C17orf114: variants seen among roughly 807,000 people sequenced by gnomAD.
C17orf114 encodes uncharacterized protein C17orf114.
chr17:4,802,071 C>T (rs1347687916), intron 1 of C17orf114, among the ~76,000 whole-genome samples, 176 bp downstream of exon 1: 1 of 152,172 alleles, frequency 6.6e-6, no homozygotes, highest in Non-Finnish European at 1.5e-5. Context: ...TTGGTCATTT[C>T]GAACTGGGCC....
chr17:4,806,067 A>G (rs977394692), upstream of C17orf114, among the ~76,000 whole-genome samples: 11 of 152,268 alleles, frequency 7.2e-5, no homozygotes, highest in African/African-American at 1.9e-4. Context: ...CAAATGGCCA[A>G]TCAGCACATG....
At chr17:4,803,817 GCTCAAGCGAGTCTC>G (rs1905575171), upstream of C17orf114, among the ~76,000 whole-genome samples, 1 of 151,776 alleles carries the variant, frequency 6.6e-6, no homozygotes, top group Non-Finnish European at 1.5e-5. Context: ...CGTCTCCAGG[GCTCAAGCGAGTCTC>G]CTGTCCCAGC....
Position 4,801,676 on chromosome 17 carries a change from A to G in C17orf114, c.74-221T>C, listed in dbSNP as rs1440701716. ...CTGTGCAGTTGCATAGGATCCTCCG[A>G]CTCAGAAGGGCCACCATGCTTGGCA... is the stretch of plus-strand genomic sequence containing the variant. On this transcript the variant is annotated intron_variant, in intron 1 of 1. Coordinates refer to ENST00000635921, the Ensembl canonical transcript of C17orf114. Among the ~76,000 whole-genome samples the G allele has an allele frequency of 3.8e-4, 57 of 151,214 alleles. 1 individual carries two copies. The highest frequency in any genetic ancestry group is 4.4e-5 in the Non-Finnish European group (3 of 67,850).
intron 1 of C17orf114, among the ~76,000 whole-genome samples, chr17:4,801,897 A>ATT (rs1002619276): frequency 6.6e-6 from 1 of 151,698 alleles, no homozygotes; most frequent in Non-Finnish European, 1.5e-5. Context: ...CACCCGGCTA[A>ATT]TTTTTTGTAT....
At chr17:4,805,275 A>G (rs1905636597), upstream of C17orf114, among the ~76,000 whole-genome samples, 1 of 151,812 alleles carries the variant, frequency 6.6e-6, no homozygotes, top group Admixed American at 6.6e-5. Flanking sequence ...TAAAAATACA[A>G]AAAATTAGCT....
chr17:4,803,235 G>GT (rs922308098), upstream of C17orf114, among the ~76,000 whole-genome samples: 11 of 151,548 alleles, frequency 7.3e-5, no homozygotes, highest in African/African-American at 2.4e-4. Context: ...ATCTTTTGAG[G>GT]TAAGTCCCTC....
At chr17:4,802,021 A>G (rs1048283003) in intron 1 of C17orf114, among the ~76,000 whole-genome samples, 37 of 152,078 alleles carry the variant, frequency 2.4e-4, no homozygotes, top group Non-Finnish European at 4.7e-4. Context: ...GAGCCACCGT[A>G]CCCGGCCGAA....
At chr17:4,805,878 G>A (rs1046986842), upstream of C17orf114, among the ~76,000 whole-genome samples, 1 of 152,048 alleles carries the variant, frequency 6.6e-6, no homozygotes, top group African/African-American at 2.4e-5. Flanking sequence ...GCGTGAACCT[G>A]GGAGGCGGAG....
upstream of C17orf114, among the ~76,000 whole-genome samples, chr17:4,803,729 T>A (rs1168846691): frequency 2.0e-5 from 3 of 149,628 alleles, no homozygotes; most frequent in Non-Finnish European, 4.4e-5. Context: ...CCCGGCCTTT[T>A]TTTAATTTTT....
upstream of C17orf114, among the ~76,000 whole-genome samples, chr17:4,806,296 A>G (rs1212401575): frequency 1.3e-5 from 2 of 152,206 alleles, no homozygotes; most frequent in African/African-American, 4.8e-5. Flanking sequence ...TTAAACACAC[A>G]CTGATATGAT....
chr17:4,802,795 T>G (rs900860236), upstream of C17orf114, among the ~76,000 whole-genome samples: 4 of 152,212 alleles, frequency 2.6e-5, no homozygotes, highest in African/African-American at 4.8e-5. Flanking sequence ...AAATGTTAGA[T>G]TCTCATTAAA....
chr17:4,802,373 G>C, upstream of C17orf114: 1 of 398,830 alleles, frequency 2.5e-6, no homozygotes, highest in Non-Finnish European at 4.4e-6. Flanking sequence ...CCCCGGGAGA[G>C]GGGTGTGGTT....
At chr17:4,804,939 A>T (rs1905608208), upstream of C17orf114, among the ~76,000 whole-genome samples, 1 of 152,158 alleles carries the variant, frequency 6.6e-6, no homozygotes, top group Non-Finnish European at 1.5e-5. Flanking sequence ...AATGTAATGC[A>T]CACATCTTAA....
upstream of C17orf114, among the ~76,000 whole-genome samples, chr17:4,802,589 C>T (rs141398033): frequency 1.3e-5 from 2 of 152,218 alleles, no homozygotes; most frequent in South Asian, 2.1e-4. Context: ...AGAGGTGGCA[C>T]GGCAGGGACA....
At chr17:4,801,951 C>G (rs959589858) in intron 1 of C17orf114, among the ~76,000 whole-genome samples, 55 of 152,072 alleles carry the variant, frequency 3.6e-4, no homozygotes, top group African/African-American at 1.1e-3. Context: ...GGATGGTCTC[C>G]ATCCCCTGAC....
At chr17:4,804,208 C>A (rs1220660635), upstream of C17orf114, among the ~76,000 whole-genome samples, 3 of 141,504 alleles carry the variant, frequency 2.1e-5, no homozygotes, top group Admixed American at 7.1e-5. Flanking sequence ...TTTCTTTTTT[C>A]TTTTTTTTTT....
upstream of C17orf114, among the ~76,000 whole-genome samples, chr17:4,806,392 G>C (rs1189462449): frequency 1.3e-5 from 2 of 152,074 alleles, no homozygotes; most frequent in East Asian, 3.8e-4. Flanking sequence ...CTAAAACAAT[G>C]GGCAAAACTA....
upstream of C17orf114, among the ~76,000 whole-genome samples, chr17:4,803,591 A>AT (rs1353123330): frequency 2.4e-3 from 363 of 149,330 alleles, 2 homozygotes; most frequent in Non-Finnish European, 4.2e-3. Flanking sequence ...CACCCGGCTA[A>AT]TTTTTTTTGT....
At chr17:4,801,800 G>A (rs373107918) in intron 1 of C17orf114, among the ~76,000 whole-genome samples, 2 of 150,652 alleles carry the variant, frequency 1.3e-5, no homozygotes, top group African/African-American at 2.4e-5. Flanking sequence ...GCACTATTTC[G>A]GCTCACTGCA....
Sources: gnomAD v4.1 joint callset for allele counts (sites outside exome capture counted in the v4.1 genomes callset) on GRCh38, gnomAD v4.1.1 for gene constraint, MANE v1.5 for transcripts, NCBI Gene and HGNC (gene_info 2026-07-23, HGNC 2026-07-21) for gene names.